Variants in ZNF713 observed in about 807,000 individuals in gnomAD.
The protein encoded by ZNF713 is zinc finger protein 713.
A neutral mutation model predicts 28.7 loss-of-function variants in ZNF713; 21 were observed. That is an observed-to-expected ratio of 0.73 (90% CI 0.52 to 1.05). ZNF713 has a LOEUF of 1.05. ZNF713 is among the 50% of genes least tolerant of loss of function. The pLI is 0.00. For missense variants in ZNF713, 458 were observed against 532.4 expected (o/e 0.86, Z 1.37); for synonymous variants, 167 against 178.0 (o/e 0.94, Z 0.49).
chr7:55,909,740 T>C (rs770541534), intron 2 of ZNF713, among the ~76,000 whole-genome samples: 3 of 152,186 alleles, frequency 2.0e-5, no homozygotes, highest in Non-Finnish European at 4.4e-5. Context: ...ATTCTCCTTA[T>C]AGAGATCTTT....
intron 4 of ZNF713, among the ~76,000 whole-genome samples, chr7:55,913,545 T>C (rs1042313226): frequency 6.6e-6 from 1 of 152,164 alleles, no homozygotes; most frequent in Non-Finnish European, 1.5e-5. Context: ...TTATGTAAAC[T>C]GGTGAGTATG....
At chr7:55,898,353 T>A (rs1785511403) in intron 1 of ZNF713, among the ~76,000 whole-genome samples, 1 of 152,218 alleles carries the variant, frequency 6.6e-6, no homozygotes, top group South Asian at 2.1e-4. Flanking sequence ...ATTAGTCTGT[T>A]CTCACTGCTA....
intron 2 of ZNF713, among the ~76,000 whole-genome samples, chr7:55,910,861 C>T (rs948573691): frequency 6.6e-6 from 1 of 152,188 alleles, no homozygotes; most frequent in Non-Finnish European, 1.5e-5. Flanking sequence ...CTCAGCCTTC[C>T]CCTCCAGCCA....
chr7:55,911,615 G>A lies in ZNF713; in HGVS notation c.-455-1G>A, dbSNP rs1049626165. 1.3e-5 allele frequency: 2 copies of A among 152,044 alleles called. No individual in the cohort carries two copies. Among genetic ancestry groups the A allele is most frequent in the African/African-American group, 4.8e-5 (2 of 41,380 alleles). The allele number at this position is 152,044 out of a possible 1,614,324, so 9.4% of individuals were successfully genotyped here. ...GCTGACCCTGGTGCATCTCATTACA[G>A]GTCTTCAACCTAAAATTCTATCTTA... On this transcript the variant is annotated splice_acceptor_variant, in intron 2 of 6. Transcript: ENST00000429591. LOFTEE classifies it low-confidence loss of function (5UTR_SPLICE).
chr7:55,900,569 A>G (rs751234854), intron 1 of ZNF713, among the ~76,000 whole-genome samples: 1 of 152,222 alleles, frequency 6.6e-6, no homozygotes, highest in Non-Finnish European at 1.5e-5. Context: ...CCTGGAGGAC[A>G]TTGTATTAAG....
intron 6 of ZNF713, among the ~76,000 whole-genome samples, chr7:55,930,398 T>C (rs1168064059): frequency 6.6e-6 from 1 of 152,206 alleles, no homozygotes; most frequent in Non-Finnish European, 1.5e-5. Context: ...AGACCAGTCA[T>C]GGGGCTTCCT....
At chr7:55,935,807 T>C (rs549508065) in intron 6 of ZNF713, among the ~76,000 whole-genome samples, 1 of 150,346 alleles carries the variant, frequency 6.7e-6, no homozygotes, top group African/African-American at 2.5e-5. Flanking sequence ...CAAAAAAAAT[T>C]AGCCGAGTGT....
At chr7:55,924,237 T>G (rs1335896720) in intron 6 of ZNF713, 1 of 152,444 alleles carries the variant, frequency 6.6e-6, no homozygotes, top group African/African-American at 2.4e-5. Context: ...TGTCCCCAAT[T>G]CCTACCTCTA....
intron 4 of ZNF713, among the ~76,000 whole-genome samples, chr7:55,916,353 G>A (rs1785881690): frequency 6.6e-6 from 1 of 152,196 alleles, no homozygotes; most frequent in Non-Finnish European, 1.5e-5. Flanking sequence ...AACCTGTCAA[G>A]CTTCTTTCTC....
At chr7:55,901,494 A>G (rs547641297) in intron 1 of ZNF713, among the ~76,000 whole-genome samples, 19 of 152,304 alleles carry the variant, frequency 1.2e-4, no homozygotes, top group African/African-American at 4.1e-4. Context: ...CTCTATAAAT[A>G]TATATAATTA....
chr7:55,897,252 T>C (rs113439549), intron 1 of ZNF713, among the ~76,000 whole-genome samples: 6,617 of 151,668 alleles, frequency 0.044, 171 homozygotes, highest in South Asian at 0.062. Context: ...TTCTTTCTTT[T>C]TTTTTTTTCT....
chr7:55,930,831 G>A (rs1438491884), intron 6 of ZNF713, among the ~76,000 whole-genome samples: 2 of 152,102 alleles, frequency 1.3e-5, no homozygotes, highest in Non-Finnish European at 2.9e-5. Context: ...GAGTGCGACA[G>A]AGACCATATG....
intron 1 of ZNF713, among the ~76,000 whole-genome samples, chr7:55,900,366 G>C (rs1013918785): frequency 2.2e-5 from 3 of 137,346 alleles, no homozygotes; most frequent in Non-Finnish European, 4.7e-5. Context: ...TACTCAGAGG[G>C]CTGAGGCAGG....
chr7:55,927,917 A>AAAAAAAAAAAAC (rs1477865507), intron 6 of ZNF713, among the ~76,000 whole-genome samples: 1 of 150,114 alleles, frequency 6.7e-6, no homozygotes, highest in Non-Finnish European at 1.5e-5. Flanking sequence ...AAAAAAAAAA[A>AAAAAAAAAAAAC]AAAGCCACAA....
chr7:55,907,627 G>A (rs971147597), intron 2 of ZNF713, among the ~76,000 whole-genome samples: 3 of 152,202 alleles, frequency 2.0e-5, no homozygotes, highest in South Asian at 4.2e-4. Flanking sequence ...CCTCCTTTTG[G>A]AGTCTCCAGT....
chr7:55,926,201 T>G (rs1230867786), intron 6 of ZNF713, among the ~76,000 whole-genome samples: 2 of 152,052 alleles, frequency 1.3e-5, no homozygotes, highest in Non-Finnish European at 2.9e-5. Context: ...TCCCAGCTAC[T>G]CGGGAGGCGG....
At chr7:55,917,552 T>C (rs1227663099) in intron 4 of ZNF713, among the ~76,000 whole-genome samples, 1 of 150,908 alleles carries the variant, frequency 6.6e-6, no homozygotes, top group Non-Finnish European at 1.5e-5. Context: ...ATACAAAAAT[T>C]AGCTGGGGGA....
chr7:55,917,986 T>TA (rs1418154700), intron 4 of ZNF713: 6 of 452,324 alleles, frequency 1.3e-5, no homozygotes, highest in Non-Finnish European at 2.7e-5. Flanking sequence ...ATGGCCAAAA[T>TA]ACCTCCCATC....
intron 2 of ZNF713, among the ~76,000 whole-genome samples, chr7:55,909,130 C>G (rs1296118630): frequency 1.4e-5 from 2 of 140,072 alleles, no homozygotes; most frequent in Non-Finnish European, 3.0e-5. Context: ...ACCAGGGAGT[C>G]GGAGGTTGCA....
Sources: gnomAD v4.1 joint callset for allele counts (sites outside exome capture counted in the v4.1 genomes callset) on GRCh38, gnomAD v4.1.1 for gene constraint, MANE v1.5 for transcripts, NCBI Gene and HGNC (gene_info 2026-07-23, HGNC 2026-07-21) for gene names.